Variants in MAPT observed in about 807,000 individuals in gnomAD.
The protein encoded by MAPT is microtubule associated protein tau, also known as microtubule-associated protein tau.
Under a neutral mutation model 67.9 loss-of-function variants are expected in MAPT, and 34 were observed. The ratio of observed to expected loss-of-function variants is 0.50; its 90% CI spans 0.38 to 0.67. The LOEUF is 0.67. Ranked by LOEUF, MAPT falls within the 30% of genes least tolerant of loss-of-function variation. The pLI is 0.00. For synonymous variants in MAPT, 456 were observed against 464.5 expected, an observed-to-expected ratio of 0.98 and a Z score of 0.23; for missense variants, 881 against 1,115.2, an observed-to-expected ratio of 0.79 and a Z score of 2.99.
chr17:46,021,130 T>C (rs945544009), intron 12 of MAPT, among the ~76,000 whole-genome samples: 1 of 152,256 alleles, frequency 6.6e-6, no homozygotes, highest in African/African-American at 2.4e-5. Flanking sequence ...GGTTTGCTGA[T>C]ACAGCCTTGC....
At chr17:45,895,578 A>C (rs968806162) in intron 1 of MAPT, 1 of 152,164 alleles carries the variant, frequency 6.6e-6, no homozygotes, top group Non-Finnish European at 1.5e-5. Flanking sequence ...CTGCAGGTGC[A>C]TCTCGGGGCG....
In MAPT at chr17:45,983,547, C is replaced by G. The variant is rs757777593; in HGVS notation, c.968C>G (p.Thr323Arg). The G allele has an allele frequency of 2.5e-6, 4 of 1,612,974 alleles. No homozygotes were observed. In the East Asian group the frequency reaches 8.9e-5, roughly 36 times the overall value. ...SPAQDGRPPQ[T>R]AAREATSIPG... is the part of the protein sequence containing the mutation. The stretch of plus-strand genomic sequence containing the variant: ...GCCCAAGATGGGCGGCCTCCCCAGA[C>G]AGCCGCCAGAGAAGCCACCAGCATC... The change falls in exon 5 of 13, where the codon ACA (threonine) becomes AGA (arginine). Residue 323 changes from threonine (T) to arginine (R), a missense_variant. By Grantham distance (71) the Thr-to-Arg change is moderately conservative. Around this residue, in one of 6 missense-constraint regions of MAPT, gnomAD observed 687 missense variants for 766.1 expected, o/e 0.90. Transcript: ENST00000262410.
intron 1 of MAPT, among the ~76,000 whole-genome samples, chr17:45,941,679 C>CTT (rs1276508742): frequency 5.5e-5 from 6 of 109,046 alleles, no homozygotes; most frequent in Non-Finnish European, 5.5e-5. Flanking sequence ...TCCCCCCTTC[C>CTT]CTCCTTCCTT....
In MAPT at chr17:45,990,177, G is replaced by C. The variant is rs1011591137; in HGVS notation, c.1605+102G>C. ...TAGCCTCAAAGACCTTTCTTCAAAT[G>C]AGTTCTGGCATAGAAGCACCGTGTA... On this transcript the variant is annotated intron_variant, in intron 7 of 12. Transcript: ENST00000262410. 4.6e-6 allele frequency: 5 copies of C among 1,080,926 alleles called. No individual in the cohort carries two copies. In the African/African-American group the frequency reaches 7.8e-5, roughly 17 times the overall value. 67.0% of individuals were successfully genotyped at this position (1,080,926 alleles called of 1,614,324 possible).
chr17:45,999,198 C>G, intron 9 of MAPT: 1 of 1,520,998 alleles, frequency 6.6e-7, no homozygotes, highest in Non-Finnish European at 8.8e-7. Context: ...AGGAAGTCTT[C>G]CTGGATTCCC....
At chr17:46,018,584 AT>A (rs778112000) in intron 11 of MAPT, 33 bp from the exon 12 acceptor site, 1 of 1,446,728 alleles carries the variant, frequency 6.9e-7, no homozygotes, top group Non-Finnish European at 9.7e-7. Flanking sequence ...ACAGAAGATG[AT>A]GGCAAGATGC....
chr17:45,999,728 A>T, intron 9 of MAPT: 1 of 1,359,656 alleles, frequency 7.4e-7, no homozygotes, highest in Non-Finnish European at 1.0e-6. Context: ...CAGCACGTCC[A>T]AATCTACTAA....
intron 10 of MAPT, among the ~76,000 whole-genome samples, chr17:46,012,898 C>G (rs574190004): frequency 2.6e-5 from 4 of 152,198 alleles, no homozygotes; most frequent in South Asian, 4.1e-4. Flanking sequence ...CTCTCCAAGC[C>G]AGGCCGCGCG....
intron 1 of MAPT, among the ~76,000 whole-genome samples, chr17:45,903,834 A>T (rs1205548077): frequency 4.7e-3 from 2 of 422 alleles, no homozygotes; most frequent in African/African-American, 7.6e-3. Context: ...ATTATATATT[A>T]TATATTTTAT....
intron 10 of MAPT, among the ~76,000 whole-genome samples, chr17:46,011,571 G>A (rs17652449): frequency 1.3e-4 from 19 of 151,964 alleles, no homozygotes; most frequent in African/African-American, 2.7e-4. Flanking sequence ...GGTCTATGTC[G>A]ACTGGGCACC....
intron 9 of MAPT, among the ~76,000 whole-genome samples, chr17:45,999,071 C>T (rs890831800): frequency 2.6e-5 from 4 of 152,318 alleles, no homozygotes; most frequent in African/African-American, 9.6e-5. Flanking sequence ...CCCGCCCATG[C>T]ACCTCTGGGG....
At chr17:45,908,963 A>C (rs111806769) in intron 1 of MAPT, among the ~76,000 whole-genome samples, 1,825 of 152,280 alleles carry the variant, frequency 0.012, 39 homozygotes, top group African/African-American at 0.042. Flanking sequence ...TTCTTCAAGA[A>C]AAGTTTTAGA....
rs946744749 is a variant in MAPT, at chr17:45,906,387, A to G, written c.-18+11701A>G. ...CTCCCCACCACTCACAGTGTTTAGCATGTGACAGGAATCGATTAAGGCATG... is the reference window on the plus strand; with the variant it reads ...CTCCCCACCACTCACAGTGTTTAGCGTGTGACAGGAATCGATTAAGGCATG... On this transcript the variant is annotated intron_variant, in intron 1 of 12. Transcript: ENST00000262410. This position sits in a 1 kb window ranked among gnomAD's most constrained non-coding sequence, Gnocchi z 4.3. 1.3e-5 allele frequency among the ~76,000 whole-genome samples: 2 copies of G among 152,160 alleles called. No individual in the cohort carries two copies. Among genetic ancestry groups the G allele is most frequent in the Non-Finnish European group, 2.9e-5 (2 of 68,028 alleles).
rs750177435 is a variant in MAPT at position 46,010,852 on chromosome 17, G to A, written c.2091+450G>A. 6.6e-6 allele frequency among the ~76,000 whole-genome samples: 1 copy of A among 152,236 alleles called. No individual in the cohort carries two copies. The highest frequency in any genetic ancestry group is 1.5e-5 in the Non-Finnish European group (1 of 68,044). ...TCCCCCGACACCTGGGCAGGTTGAC[G>A]TTGAGTGGCTCCACTGTGGACAGGT... On this transcript the variant is annotated intron_variant, in intron 10 of 12. Transcript: ENST00000262410. The surrounding 1 kb of genome is among the most constrained non-coding windows in gnomAD (Gnocchi z 4.7).
At chr17:45,998,989 C>A (rs2074754691) in intron 9 of MAPT, among the ~76,000 whole-genome samples, 2 of 152,172 alleles carry the variant, frequency 1.3e-5, no homozygotes. Context: ...CTCCTCAAGT[C>A]ACATAACAAG....
At chr17:45,909,236 G>A (rs1361885159) in intron 1 of MAPT, among the ~76,000 whole-genome samples, 1 of 151,762 alleles carries the variant, frequency 6.6e-6, no homozygotes, top group Non-Finnish European at 1.5e-5. Context: ...GCCCTGGGCT[G>A]CCCAATGGCA....
chr17:46,007,483 T>C (rs2075532547), intron 9 of MAPT, among the ~76,000 whole-genome samples: 1 of 152,060 alleles, frequency 6.6e-6, no homozygotes, highest in Non-Finnish European at 1.5e-5. Flanking sequence ...TGAGAGCTTG[T>C]CTCTATTTTA....
chr17:45,949,229 C>G (rs1173981826), intron 1 of MAPT, among the ~76,000 whole-genome samples: 1 of 152,242 alleles, frequency 6.6e-6, no homozygotes, highest in Admixed American at 6.5e-5. Context: ...AGCCCGGGAC[C>G]TTCCTTGGCT....
chr17:45,947,173 G>A (rs915364800), intron 1 of MAPT, among the ~76,000 whole-genome samples: 25 of 152,094 alleles, frequency 1.6e-4, no homozygotes, highest in Admixed American at 9.8e-4. Flanking sequence ...TCAAGGGCCA[G>A]TCTTACTGAG....
Sources: allele counts gnomAD v4.1 joint callset (sites outside exome capture counted in the v4.1 genomes callset), GRCh38; gene constraint gnomAD v4.1.1; regional missense constraint gnomAD v4.1.1; non-coding constraint Gnocchi (gnomAD v3.1); transcripts MANE v1.5; gene names NCBI Gene and HGNC (gene_info 2026-07-23, HGNC 2026-07-21).